Variants in RAB38 observed in about 807,000 individuals in gnomAD.
RAB38 encodes the protein RAB38, member RAS oncogene family.
Under a neutral mutation model 18.4 loss-of-function variants are expected in RAB38, and 15 were observed. The ratio of observed to expected loss-of-function variants is 0.82; its 90% confidence interval spans 0.55 to 1.26. The LOEUF (loss-of-function observed/expected upper bound fraction) is 1.26. Among genes scored for constraint, RAB38 ranks in the 50% most tolerant of loss-of-function variants. The probability of loss-of-function intolerance (pLI) is 0.00; values close to 1 mark genes in which losing one functional copy is unlikely to be tolerated. For missense variants in RAB38, 294 were observed against 267.4 expected (o/e 1.10, Z -0.69); for synonymous variants, 101 against 104.4 (o/e 0.97, Z 0.20).
At chr11:88,075,395 C>T in the RAB38 span, among the ~76,000 whole-genome samples, 1 of 151,968 alleles carries the variant, frequency 6.6e-6, no homozygotes, top group African/African-American at 2.4e-5. Context: ...AAAAGAGGAG[C>T]CTCAGAAGAT....
the RAB38 span, among the ~76,000 whole-genome samples, chr11:88,006,723 AT>A: frequency 2.6e-5 from 4 of 151,132 alleles, no homozygotes; most frequent in Non-Finnish European, 5.9e-5. Flanking sequence ...CCTGAATAAC[AT>A]TATGTTAAGT....
At chr11:87,907,505 TTTG>T in the RAB38 span, among the ~76,000 whole-genome samples, 66 of 151,842 alleles carry the variant, frequency 4.3e-4, no homozygotes, top group East Asian at 7.4e-3. Flanking sequence ...TTTTGTTCAG[TTTG>T]TTGTTTTTAG....
At chr11:88,127,445 T>A (rs552126079) in intron 2 of RAB38, among the ~76,000 whole-genome samples, 1 of 152,326 alleles carries the variant, frequency 6.6e-6, no homozygotes, top group East Asian at 1.9e-4. Flanking sequence ...AGAGAGCTAA[T>A]GTTCCTCTTC....
chr11:87,960,369 T>C, the RAB38 span, among the ~76,000 whole-genome samples: 4 of 124,696 alleles, frequency 3.2e-5, no homozygotes, highest in Non-Finnish European at 6.6e-5. Flanking sequence ...TAAACAGAGA[T>C]GGAAGACAAC....
chr11:88,028,209 C>T, the RAB38 span, among the ~76,000 whole-genome samples: 3 of 152,130 alleles, frequency 2.0e-5, no homozygotes, highest in Non-Finnish European at 4.4e-5. Flanking sequence ...AAAGGACATC[C>T]ACACCAAAAA....
the RAB38 span, among the ~76,000 whole-genome samples, chr11:88,033,027 C>A: frequency 6.6e-6 from 1 of 152,070 alleles, no homozygotes; most frequent in African/African-American, 2.4e-5. Flanking sequence ...CACATATACA[C>A]CATGGAATAC....
chr11:87,949,230 G>T, the RAB38 span, among the ~76,000 whole-genome samples: 2 of 152,114 alleles, frequency 1.3e-5, no homozygotes, highest in African/African-American at 4.8e-5. Context: ...GGGATAGGTG[G>T]TGATAGCCCC....
the RAB38 span, among the ~76,000 whole-genome samples, chr11:88,076,204 A>G: frequency 3.3e-5 from 5 of 152,016 alleles, no homozygotes; most frequent in Non-Finnish European, 7.4e-5. Context: ...ATACCAATAA[A>G]TTAGAAAACC....
chr11:87,930,676 T>C, the RAB38 span, among the ~76,000 whole-genome samples: 1 of 152,302 alleles, frequency 6.6e-6, no homozygotes, highest in Admixed American at 6.5e-5. Context: ...CTAGGTTTTC[T>C]TCTAGGGTTT....
the RAB38 span, among the ~76,000 whole-genome samples, chr11:87,957,352 A>T: frequency 2.0e-5 from 3 of 152,048 alleles, no homozygotes; most frequent in Non-Finnish European, 4.4e-5. Context: ...CTCATCCGTC[A>T]TAAGGGTCAC....
chr11:88,123,627 A>G (rs1942656661), intron 2 of RAB38, among the ~76,000 whole-genome samples: 1 of 152,152 alleles, frequency 6.6e-6, no homozygotes, highest in East Asian at 1.9e-4. Flanking sequence ...TTGAAGTCCT[A>G]ATTTTGTTCT....
At chr11:87,960,889 A>G in the RAB38 span, among the ~76,000 whole-genome samples, 7 of 152,276 alleles carry the variant, frequency 4.6e-5, no homozygotes, top group African/African-American at 1.7e-4. Flanking sequence ...ACACATTGTA[A>G]AAACTAAAGA....
At chr11:88,097,360 A>G in the RAB38 span, among the ~76,000 whole-genome samples, 1 of 152,002 alleles carries the variant, frequency 6.6e-6, no homozygotes, top group East Asian at 2.0e-4. Context: ...TGCACCAAAG[A>G]GTTTATAAAC....
chr11:88,127,808 C>A (rs1295577570), intron 2 of RAB38, among the ~76,000 whole-genome samples: 1 of 152,162 alleles, frequency 6.6e-6, no homozygotes, highest in African/African-American at 2.4e-5. Context: ...TGCTAACCAA[C>A]CTCCTAGGTG....
chr11:88,053,141 AT>A, the RAB38 span, among the ~76,000 whole-genome samples: 1 of 109,196 alleles, frequency 9.2e-6, no homozygotes, highest in African/African-American at 3.4e-5. Context: ...TATATACAAT[AT>A]ATATGGAATA....
the RAB38 span, among the ~76,000 whole-genome samples, chr11:88,101,673 T>C: frequency 2.0e-5 from 3 of 151,832 alleles, no homozygotes; most frequent in Non-Finnish European, 4.4e-5. Flanking sequence ...AGAGGAAATA[T>C]GTTATAAAGA....
At chr11:87,897,200 T>G in the RAB38 span, among the ~76,000 whole-genome samples, 1 of 151,608 alleles carries the variant, frequency 6.6e-6, no homozygotes, top group Admixed American at 6.6e-5. Context: ...ATCTGCATCC[T>G]TCCTGGTAAC....
the RAB38 span, among the ~76,000 whole-genome samples, chr11:88,079,173 A>C: frequency 2.6e-5 from 4 of 151,980 alleles, no homozygotes; most frequent in East Asian, 7.7e-4. Context: ...AATATCAATA[A>C]AATAGATAAA....
At chr11:87,850,628 AC>A in the RAB38 span, among the ~76,000 whole-genome samples, 1 of 151,770 alleles carries the variant, frequency 6.6e-6, no homozygotes, top group African/African-American at 2.4e-5. Flanking sequence ...CAATATCTAT[AC>A]CTTCTTCGTC....
Sources: allele counts gnomAD v4.1 joint callset (sites outside exome capture counted in the v4.1 genomes callset), GRCh38; gene constraint gnomAD v4.1.1; transcripts MANE v1.5; gene names NCBI Gene and HGNC (gene_info 2026-07-23, HGNC 2026-07-21).